Variants in TCF7L1 observed in about 807,000 individuals in gnomAD.
TCF7L1 encodes transcription factor 7 like 1.
TCF7L1 carries 18 observed loss-of-function variants against 63.7 expected under a neutral mutation model. That is an observed-to-expected ratio of 0.28 (90% CI 0.20 to 0.42). The LOEUF is 0.42. Ranked by LOEUF, TCF7L1 falls within the 10% of genes least tolerant of loss-of-function variation. The probability of loss-of-function intolerance (pLI) is 1.00; values close to 1 mark genes in which losing one functional copy is unlikely to be tolerated. For missense variants in TCF7L1, 654 were observed against 779.3 expected, an observed-to-expected ratio of 0.84 and a Z score of 1.91; for synonymous variants, 355 against 340.9, an observed-to-expected ratio of 1.04 and a Z score of -0.46.
chr2:85,272,788 CTATCAATCAATCCATTAACCAGTA>C (rs1254902700), intron 3 of TCF7L1, among the ~76,000 whole-genome samples: 1 of 152,076 alleles, frequency 6.6e-6, no homozygotes, highest in Non-Finnish European at 1.5e-5. Context: ...GGGCAAGACC[CTATCAATCAATCCATTAACCAGTA>C]TATCAATCAA....
At chr2:85,203,131 G>A (rs547902275) in intron 3 of TCF7L1, among the ~76,000 whole-genome samples, 15 of 152,098 alleles carry the variant, frequency 9.9e-5, no homozygotes, top group Non-Finnish European at 1.6e-4. Flanking sequence ...CACCGCGCCC[G>A]CCCAGTACCT....
chr2:85,142,433 TGTGTGTGTGTGTGTGTG>T (rs1677760835), intron 3 of TCF7L1, among the ~76,000 whole-genome samples: 2 of 7,396 alleles, frequency 2.7e-4, no homozygotes, highest in African/African-American at 3.2e-4. Context: ...AAAAAAAAAA[TGTGTGTGTGTGTGTGTG>T]TGTGTGTGTG....
chr2:85,247,425 T>C (rs1363289649), intron 3 of TCF7L1, among the ~76,000 whole-genome samples: 1 of 152,186 alleles, frequency 6.6e-6, no homozygotes, highest in Non-Finnish European at 1.5e-5. Flanking sequence ...TCCAATCCCT[T>C]ATAAGAAGGA....
chr2:85,174,137 A>C (rs1473550518), intron 3 of TCF7L1, among the ~76,000 whole-genome samples: 3 of 152,184 alleles, frequency 2.0e-5, no homozygotes, highest in African/African-American at 7.2e-5. Flanking sequence ...TCATCACTGC[A>C]TTAGCAGTCA....
chr2:85,230,800 G>A (rs935251680), intron 3 of TCF7L1, among the ~76,000 whole-genome samples: 35 of 152,132 alleles, frequency 2.3e-4, no homozygotes, highest in African/African-American at 7.7e-4. Context: ...TACTACTAAC[G>A]TGCTTTTTTA....
At chr2:85,226,901 G>A (rs1679967925) in intron 3 of TCF7L1, among the ~76,000 whole-genome samples, 1 of 145,436 alleles carries the variant, frequency 6.9e-6, no homozygotes, top group Non-Finnish European at 1.5e-5. Context: ...CATCCTCATT[G>A]ATCATAAATT....
chr2:85,191,867 A>T (rs908078674), intron 3 of TCF7L1, among the ~76,000 whole-genome samples: 3 of 151,984 alleles, frequency 2.0e-5, no homozygotes, highest in Non-Finnish European at 4.4e-5. Context: ...TCCTCATTGG[A>T]TGTGACCAAC....
chr2:85,238,719 G>A (rs1017431701), intron 3 of TCF7L1, among the ~76,000 whole-genome samples: 33 of 152,056 alleles, frequency 2.2e-4, no homozygotes, highest in Non-Finnish European at 4.3e-4. Flanking sequence ...CAGCACAGTG[G>A]GGTAGTATCT....
chr2:85,134,120 C>G lies in TCF7L1; in HGVS notation c.313+41C>G. On this transcript the variant is annotated intron_variant, in intron 2 of 11. Transcript: ENST00000282111. This position sits in a 1 kb window ranked among gnomAD's most constrained non-coding sequence, Gnocchi z 5.0. ...GACAGCCCCCCACTCTCGATTCCCG[C>G]TGCGCTCCGCTGCTCAGCCCGGGCG... The G allele has an allele frequency of 6.2e-7, 1 of 1,600,168 alleles. No homozygotes were observed. Among genetic ancestry groups the G allele is most frequent in the Non-Finnish European group, 8.5e-7 (1 of 1,174,128 alleles).
At chr2:85,139,904 G>A (rs1677682775) in intron 3 of TCF7L1, among the ~76,000 whole-genome samples, 1 of 152,190 alleles carries the variant, frequency 6.6e-6, no homozygotes, top group Non-Finnish European at 1.5e-5. Context: ...AGTTAGGCTG[G>A]GAAGTGATGT....
intron 3 of TCF7L1, among the ~76,000 whole-genome samples, chr2:85,221,320 A>T (rs1244159661): frequency 1.3e-5 from 2 of 152,200 alleles, no homozygotes; most frequent in African/African-American, 4.8e-5. Flanking sequence ...CCACTAGTTG[A>T]GGAAAGTTTT....
intron 4 of TCF7L1, among the ~76,000 whole-genome samples, chr2:85,291,993 ATTTTTTTTTT>A (rs1167747216): frequency 7.2e-5 from 1 of 13,830 alleles, no homozygotes; most frequent in Non-Finnish European, 9.8e-5. Context: ...GGTCATATGT[ATTTTTTTTTT>A]TTTTTTTTTT....
At chr2:85,270,354 G>T (rs567285167) in intron 3 of TCF7L1, among the ~76,000 whole-genome samples, 1 of 152,124 alleles carries the variant, frequency 6.6e-6, no homozygotes, top group African/African-American at 2.4e-5. Flanking sequence ...CACATTCTTG[G>T]TGAAGCCTTC....
chr2:85,234,378 C>T (rs2104316590), intron 3 of TCF7L1, among the ~76,000 whole-genome samples: 1 of 152,150 alleles, frequency 6.6e-6, no homozygotes, highest in South Asian at 2.1e-4. Flanking sequence ...TTGTGGTCCA[C>T]CCACCTCGGC....
chr2:85,263,299 T>C (rs112302324), intron 3 of TCF7L1, among the ~76,000 whole-genome samples: 1,538 of 144,356 alleles, frequency 0.011, 22 homozygotes, highest in African/African-American at 0.037. Context: ...CCGCTGGAGC[T>C]TTTGTTGGGG....
chr2:85,242,244 T>C (rs184620806), intron 3 of TCF7L1, among the ~76,000 whole-genome samples: 8,150 of 152,196 alleles, frequency 0.054, 282 homozygotes, highest in Non-Finnish European at 0.076. Context: ...CTGGCTTCCC[T>C]GGGTCACTTG....
chr2:85,289,221 A>AGTGTGTGTGTGTGT (rs10701623), intron 4 of TCF7L1, among the ~76,000 whole-genome samples: 19 of 146,422 alleles, frequency 1.3e-4, no homozygotes, highest in African/African-American at 4.6e-4. Flanking sequence ...TTCAGTCTGG[A>AGTGTGTGTGTGTGT]GTGTGTGTGT....
At chr2:85,269,259 C>T (rs1227648048) in intron 3 of TCF7L1, among the ~76,000 whole-genome samples, 1 of 152,198 alleles carries the variant, frequency 6.6e-6, no homozygotes, top group East Asian at 1.9e-4. Context: ...ATCTTTGCCA[C>T]ATACCACCTA....
chr2:85,174,692 G>T (rs1004828872), intron 3 of TCF7L1, among the ~76,000 whole-genome samples: 1 of 152,184 alleles, frequency 6.6e-6, no homozygotes, highest in Non-Finnish European at 1.5e-5. Context: ...GCCTCCTCAT[G>T]GGATAGCATC....
Sources: allele counts gnomAD v4.1 joint callset (sites outside exome capture counted in the v4.1 genomes callset), GRCh38; gene constraint gnomAD v4.1.1; non-coding constraint Gnocchi (gnomAD v3.1); transcripts MANE v1.5; gene names NCBI Gene and HGNC (gene_info 2026-07-23, HGNC 2026-07-21).